DYNC2H1: variants seen among roughly 807,000 people sequenced by gnomAD.
DYNC2H1 encodes cytoplasmic dynein 2 heavy chain 1.
Under a neutral mutation model 570.0 loss-of-function variants are expected in DYNC2H1, and 410 were observed. The ratio of observed to expected loss-of-function variants is 0.72; its 90% CI spans 0.66 to 0.78. DYNC2H1 has a LOEUF of 0.78. Ranked by LOEUF, DYNC2H1 falls within the 30% of genes least tolerant of loss-of-function variation. The pLI is 0.00. For missense variants in DYNC2H1, 4,865 were observed against 5,046.4 expected (o/e 0.96, Z 1.09); for synonymous variants, 1,688 against 1,677.6 (o/e 1.01, Z -0.15).
rs1205310884 is a variant in DYNC2H1, at chr11:103,286,006, A to G, written c.10891-249A>G. 4.6e-5 allele frequency among the ~76,000 whole-genome samples: 7 copies of G among 152,342 alleles called. No individual in the cohort carries two copies. The East Asian group carries it at 1.2e-3, about 25-fold the overall frequency. On this transcript the variant is annotated intron_variant, in intron 73 of 88. Transcript: ENST00000375735. ...GATAGCTAGGTACAAATGTTTTTAC[A>G]TAGAGAAAAGATTAACTCATGAGTA... is the stretch of plus-strand genomic sequence containing the variant.
At chr11:103,263,035 A>G (rs767954230) in intron 70 of DYNC2H1, among the ~76,000 whole-genome samples, 34 of 149,184 alleles carry the variant, frequency 2.3e-4, no homozygotes, top group Non-Finnish European at 3.7e-4. Flanking sequence ...AAAAAAAAAA[A>G]AAAAAAAAAA....
chr11:103,440,775 C>G (rs1392555464), intron 85 of DYNC2H1, among the ~76,000 whole-genome samples: 2 of 152,130 alleles, frequency 1.3e-5, no homozygotes, highest in Admixed American at 6.5e-5. Context: ...TTTTTGGAAT[C>G]ATTGTTTACT....
chr11:103,478,344 G>C (rs58628681), intron 88 of DYNC2H1, among the ~76,000 whole-genome samples: 24,946 of 152,058 alleles, frequency 0.16, 2,220 homozygotes, highest in Admixed American at 0.25. Flanking sequence ...TTCCTGCTTG[G>C]AATAAGGAAT....
chr11:103,194,813 G>A (rs375461702), intron 47 of DYNC2H1, among the ~76,000 whole-genome samples: 53 of 152,228 alleles, frequency 3.5e-4, no homozygotes, highest in African/African-American at 1.3e-3. Context: ...TACCTCCTGG[G>A]CTCAAGTGAT....
chr11:103,174,953 G>T, intron 36 of DYNC2H1, among the ~76,000 whole-genome samples: 2 of 151,462 alleles, frequency 1.3e-5, no homozygotes, highest in African/African-American at 2.4e-5. Flanking sequence ...GGGTGGGGTG[G>T]GGGGTAGTAT....
Position 103,299,625 on chromosome 11 carries a change from G to A in DYNC2H1, c.11096-3468G>A, listed in dbSNP as rs1200789949. ...CCTTTGCATGCTTCATATCACTCCT[G>A]TTTCTCTTTTCTGCTACACTTCTTT... On this transcript the variant is annotated intron_variant, in intron 75 of 88. Transcript: ENST00000375735. This position sits in a 1 kb window ranked among gnomAD's most constrained non-coding sequence, Gnocchi z 4.5. Among the ~76,000 whole-genome samples, 1 of 152,058 alleles carries A rather than the reference G, an allele frequency of 6.6e-6. No homozygotes were observed. Among genetic ancestry groups the A allele is most frequent in the African/African-American group, 2.4e-5 (1 of 41,416 alleles).
intron 39 of DYNC2H1, among the ~76,000 whole-genome samples, chr11:103,180,443 A>G (rs1431910992): frequency 6.6e-6 from 1 of 151,674 alleles, no homozygotes. Context: ...TTAGCAGAAA[A>G]TAAGACATTG....
At chr11:103,164,721 A>C (rs1861229656) in intron 30 of DYNC2H1, among the ~76,000 whole-genome samples, 1 of 152,206 alleles carries the variant, frequency 6.6e-6, no homozygotes, top group African/African-American at 2.4e-5. Flanking sequence ...TTGTCATTAC[A>C]TTTTAGGTAA....
At chr11:103,377,086 G>A (rs947494638) in intron 83 of DYNC2H1, among the ~76,000 whole-genome samples, 21 of 152,160 alleles carry the variant, frequency 1.4e-4, no homozygotes, top group Admixed American at 5.9e-4. Flanking sequence ...GGATTGAAAT[G>A]TAGAACTTTT....
At chr11:103,317,055 C>T (rs7104041) in intron 80 of DYNC2H1, among the ~76,000 whole-genome samples, 25,187 of 151,972 alleles carry the variant, frequency 0.17, 2,270 homozygotes, top group Admixed American at 0.25. Context: ...TTTAATCTGA[C>T]CCCCTAAGGC....
chr11:103,427,178 A>G (rs2449121), intron 84 of DYNC2H1, among the ~76,000 whole-genome samples: 84,356 of 151,924 alleles, frequency 0.56, 24,069 homozygotes, highest in East Asian at 0.72. Context: ...ACTTTTAACT[A>G]TGGCAACATG....
At chr11:103,218,595 A>G (rs1183109853) in intron 55 of DYNC2H1, among the ~76,000 whole-genome samples, 1 of 152,218 alleles carries the variant, frequency 6.6e-6, no homozygotes, top group East Asian at 1.9e-4. Flanking sequence ...GTTGATTACC[A>G]TGTGTTTATA....
In DYNC2H1 at chr11:103,113,669, C is replaced by A. The variant is rs768081432; in HGVS notation, c.328C>A (p.Gln110Lys). 2 of 1,565,452 alleles carry A rather than the reference C, an allele frequency of 1.3e-6. No homozygotes were observed. The highest frequency in any genetic ancestry group is 2.5e-5 in the South Asian group (2 of 79,052). ...MLESPISSLYQAVRQVFAPML... is the reference protein window; with the variant it reads ...MLESPISSLYKAVRQVFAPML... Reference sequence around the variant, plus strand: ...AGAGTCACCTATTAGTTCTCTTTACCAAGCAGTACGGCAAGTATTCGCACC... The same window carrying A: ...AGAGTCACCTATTAGTTCTCTTTACAAAGCAGTACGGCAAGTATTCGCACC... Residue 110 changes from glutamine to lysine, a missense_variant, in exon 2 of 89, where the codon CAA becomes AAA. Gln to Lys is a moderately conservative substitution (Grantham distance 53). Transcript: ENST00000375735.
intron 78 of DYNC2H1, among the ~76,000 whole-genome samples, chr11:103,309,617 T>A (rs147962057): frequency 2.6e-5 from 4 of 152,176 alleles, no homozygotes; most frequent in African/African-American, 9.6e-5. Context: ...TTAGAAATAT[T>A]TTAATTGAAT....
At chr11:103,361,468 A>G (rs1591631274) in intron 83 of DYNC2H1, among the ~76,000 whole-genome samples, 1 of 146,532 alleles carries the variant, frequency 6.8e-6, no homozygotes, top group Admixed American at 7.2e-5. Flanking sequence ...GTTTTGTTAT[A>G]GCAACCAGAA....
intron 87 of DYNC2H1, among the ~76,000 whole-genome samples, chr11:103,457,969 A>G (rs1233696679): frequency 1.3e-5 from 2 of 152,268 alleles, no homozygotes; most frequent in African/African-American, 4.8e-5. Flanking sequence ...ATAAAATAAA[A>G]AGTTACAGTA....
chr11:103,168,327 G>C (rs1456580824), intron 31 of DYNC2H1, among the ~76,000 whole-genome samples: 3 of 152,186 alleles, frequency 2.0e-5, no homozygotes, highest in African/African-American at 7.2e-5. Context: ...GTTGCCAGAA[G>C]GGGGGAAAAA....
chr11:103,319,883 G>A lies in DYNC2H1; in HGVS notation c.11726-1146G>A, dbSNP rs892646785. ...GAGTCCTGGTGAAGTCCTTTGTTTA[G>A]TCACTGTTGACTATAAGATGTAGGC... On this transcript the variant is annotated intron_variant, in intron 80 of 88. Coordinates refer to ENST00000375735, the MANE Select transcript of DYNC2H1 (RefSeq NM_001377.3). This position sits in a 1 kb window ranked among gnomAD's most constrained non-coding sequence, Gnocchi z 4.3. Among the ~76,000 whole-genome samples, 6 of 152,082 alleles carry A rather than the reference G, an allele frequency of 3.9e-5. No homozygotes were observed. The highest frequency in any genetic ancestry group is 2.1e-4 in the South Asian group (1 of 4,822).
At chr11:103,207,862 G>A (rs905114464) in intron 52 of DYNC2H1, among the ~76,000 whole-genome samples, 1 of 152,096 alleles carries the variant, frequency 6.6e-6, no homozygotes, top group Non-Finnish European at 1.5e-5. Flanking sequence ...AGGCAAGAGA[G>A]TTGAGAATAT....
Sources: gnomAD v4.1 joint callset for allele counts (sites outside exome capture counted in the v4.1 genomes callset) on GRCh38, gnomAD v4.1.1 for gene constraint, Gnocchi (gnomAD v3.1) non-coding constraint, MANE v1.5 for transcripts, NCBI Gene and HGNC (gene_info 2026-07-23, HGNC 2026-07-21) for gene names.